The following PRMT3 variants were observed in gnomAD, a reference collection of about 807,000 sequenced individuals.
PRMT3 encodes protein arginine N-methyltransferase 3.
A neutral mutation model predicts 71.9 loss-of-function variants in PRMT3; 62 were observed. The observed-to-expected ratio is 0.86, with a 90% CI of 0.70 to 1.07. PRMT3 has a LOEUF of 1.07. PRMT3 is among the 50% of genes least tolerant of loss of function. PRMT3 has a pLI of 0.00. For synonymous variants in PRMT3, 213 were observed against 220.4 expected (o/e 0.97, Z 0.30); for missense variants, 663 against 643.0 (o/e 1.03, Z -0.34).
chr11:20,435,095 A>G (rs1849733413), intron 10 of PRMT3, among the ~76,000 whole-genome samples: 1 of 152,148 alleles, frequency 6.6e-6, no homozygotes, highest in Non-Finnish European at 1.5e-5. Flanking sequence ...TGCTTTTGAG[A>G]TCATCTCCAC....
chr11:20,486,561 C>A (rs1405078817), intron 13 of PRMT3, among the ~76,000 whole-genome samples: 1 of 152,108 alleles, frequency 6.6e-6, no homozygotes, highest in Non-Finnish European at 1.5e-5. Context: ...CCCCTTTGTA[C>A]ACCTACCTAA....
Position 20,395,865 on chromosome 11 carries a change from A to C in PRMT3, c.463A>C (p.Asn155His). The C allele has an allele frequency of 6.2e-7, 1 of 1,614,150 alleles. No homozygotes were observed. Among genetic ancestry groups the C allele is most frequent in the Non-Finnish European group, 8.5e-7 (1 of 1,180,002 alleles). The change falls in exon 6 of 16, where the codon AAT becomes CAT. Residue 155 changes from asparagine (N) to histidine (H), a missense_variant. Transcript: ENST00000331079. The part of the protein sequence containing the change: ...PFSYPNGLSE[N>H]TSVVEKLKHM... ...CTCATACCCCAATGGACTCAGTGAAAATACATCTGTTGTTGAAAAATTGAA... is the reference window on the plus strand; with the variant it reads ...CTCATACCCCAATGGACTCAGTGAACATACATCTGTTGTTGAAAAATTGAA...
intron 13 of PRMT3, among the ~76,000 whole-genome samples, chr11:20,493,157 A>G (rs1163373626): frequency 1.3e-5 from 2 of 152,028 alleles, no homozygotes; most frequent in Non-Finnish European, 2.9e-5. Context: ...TTTTTGTACT[A>G]TCACAATAAC....
intron 13 of PRMT3, among the ~76,000 whole-genome samples, chr11:20,476,226 G>A (rs547686563): frequency 5.9e-5 from 9 of 151,870 alleles, no homozygotes; most frequent in South Asian, 2.1e-4. Flanking sequence ...GATGGCAGGC[G>A]CCTGTAATCC....
intron 10 of PRMT3, among the ~76,000 whole-genome samples, chr11:20,448,110 TTC>T (rs1347570166): frequency 3.3e-5 from 5 of 152,102 alleles, no homozygotes; most frequent in Middle Eastern, 3.4e-3. Flanking sequence ...AATCGTAGAA[TTC>T]AAGGAGGATT....
intron 9 of PRMT3, among the ~76,000 whole-genome samples, chr11:20,412,605 G>C (rs1275748519): frequency 6.6e-6 from 1 of 152,030 alleles, no homozygotes; most frequent in African/African-American, 2.4e-5. Flanking sequence ...GTATTTTAAA[G>C]TGAAACTTAT....
At chr11:20,448,255 C>T (rs1221182539) in intron 10 of PRMT3, among the ~76,000 whole-genome samples, 1 of 152,014 alleles carries the variant, frequency 6.6e-6, no homozygotes, top group Non-Finnish European at 1.5e-5. Context: ...GATATATCCT[C>T]AAAGAATGCT....
chr11:20,390,579 C>G (rs1207266757), intron 3 of PRMT3, among the ~76,000 whole-genome samples: 2 of 152,218 alleles, frequency 1.3e-5, no homozygotes, highest in African/African-American at 4.8e-5. Flanking sequence ...GATTAATATG[C>G]AAAATACTCA....
At chr11:20,404,223 T>TTGTTTTGTTTTGTTTTGTTTTGTTTTG (rs1565196809) in intron 8 of PRMT3, among the ~76,000 whole-genome samples, 1 of 83,556 alleles carries the variant, frequency 1.2e-5, no homozygotes, top group Non-Finnish European at 2.4e-5. Flanking sequence ...TTTTTTTTTT[T>TTGTTTTGTTTTGTTTTGTTTTGTTTTG]TTTTTTTTTT....
intron 15 of PRMT3, among the ~76,000 whole-genome samples, chr11:20,505,419 G>A (rs890289503): frequency 6.6e-6 from 1 of 152,118 alleles, no homozygotes; most frequent in Admixed American, 6.5e-5. Flanking sequence ...TAAGTAATTT[G>A]TATAAGACAT....
chr11:20,439,257 C>T (rs1429818238), intron 10 of PRMT3, among the ~76,000 whole-genome samples: 1 of 152,134 alleles, frequency 6.6e-6, no homozygotes, highest in Non-Finnish European at 1.5e-5. Flanking sequence ...CTGTAGATGT[C>T]CAATGTGTTG....
chr11:20,395,187 T>C (rs1434978075), intron 5 of PRMT3, among the ~76,000 whole-genome samples: 1 of 152,168 alleles, frequency 6.6e-6, no homozygotes, highest in Non-Finnish European at 1.5e-5. Flanking sequence ...ATTAGGTTTT[T>C]TTCTTTCTAC....
At chr11:20,403,528 C>G (rs1004274296) in intron 8 of PRMT3, among the ~76,000 whole-genome samples, 2 of 151,864 alleles carry the variant, frequency 1.3e-5, no homozygotes, top group Non-Finnish European at 2.9e-5. Flanking sequence ...AAAAAATGAT[C>G]TTATACCCTG....
At chr11:20,469,180 G>C (rs1850584903) in intron 13 of PRMT3, among the ~76,000 whole-genome samples, 1 of 152,178 alleles carries the variant, frequency 6.6e-6, no homozygotes, top group Admixed American at 6.5e-5. Flanking sequence ...ATATCAGCCT[G>C]CTTAACCTAG....
At chr11:20,479,568 G>T (rs763023062) in intron 13 of PRMT3, among the ~76,000 whole-genome samples, 5 of 152,168 alleles carry the variant, frequency 3.3e-5, no homozygotes, top group Non-Finnish European at 5.9e-5. Context: ...GGGAAGAAAT[G>T]ACATAATATA....
intron 15 of PRMT3, among the ~76,000 whole-genome samples, chr11:20,502,969 T>C (rs1442164594): frequency 6.6e-6 from 1 of 152,146 alleles, no homozygotes; most frequent in Non-Finnish European, 1.5e-5. Context: ...ATTTACTCTT[T>C]TGTTGATGAA....
At chr11:20,419,519 T>C (rs1383976521) in intron 9 of PRMT3, among the ~76,000 whole-genome samples, 7 of 152,222 alleles carry the variant, frequency 4.6e-5, no homozygotes, top group Admixed American at 4.6e-4. Context: ...AACATTCTTA[T>C]TTATAGTTGC....
chr11:20,487,062 A>G (rs1488799230), intron 13 of PRMT3, among the ~76,000 whole-genome samples: 3 of 150,532 alleles, frequency 2.0e-5, no homozygotes, highest in African/African-American at 4.9e-5. Context: ...ATCTCAAGAA[A>G]AAAAAAAAAG....
intron 10 of PRMT3, among the ~76,000 whole-genome samples, chr11:20,434,921 T>C (rs900659730): frequency 6.6e-6 from 1 of 152,244 alleles, no homozygotes; most frequent in African/African-American, 2.4e-5. Flanking sequence ...CTGTGAAGAA[T>C]GTCATTGGTA....
Sources: allele counts gnomAD v4.1 joint callset (sites outside exome capture counted in the v4.1 genomes callset), GRCh38; gene constraint gnomAD v4.1.1; transcripts MANE v1.5; gene names NCBI Gene and HGNC (gene_info 2026-07-23, HGNC 2026-07-21).